MYBPC1: variants seen among roughly 807,000 people sequenced by gnomAD.
MYBPC1 encodes the protein myosin-binding protein C, slow-type.
Under a neutral mutation model 147.1 loss-of-function variants are expected in MYBPC1, and 52 were observed. That is an observed-to-expected ratio of 0.35 (90% CI 0.28 to 0.45). MYBPC1 has a LOEUF of 0.45. Among genes scored for constraint, MYBPC1 ranks in the 20% least tolerant of loss-of-function variants. MYBPC1 has a pLI of 1.00. For missense variants in MYBPC1, 1,228 were observed against 1,440.3 expected, an observed-to-expected ratio of 0.85 and a Z score of 2.39; for synonymous variants, 477 against 475.9, an observed-to-expected ratio of 1.00 and a Z score of -0.03.
Position 101,678,160 on chromosome 12 carries a change from T to C in MYBPC1, c.3168T>C (p.Phe1056=). Reference sequence around the variant, plus strand: ...TTGATTTCTCAGAGGCACCCATGTTTACTCAGCCTTTGGTTAACACCTATG... The same window carrying C: ...TTGATTTCTCAGAGGCACCCATGTTCACTCAGCCTTTGGTTAACACCTATG... ...EDFDFSEAPM[F]TQPLVNTYAI... is the part of the protein sequence containing the mutation. Residue 1056 remains phenylalanine (F), a synonymous_variant, in exon 28 of 32, where the codon TTT becomes TTC. Transcript: ENST00000361466. 6.2e-7 allele frequency: 1 copy of C among 1,614,098 alleles called. No homozygotes were observed. The highest frequency in any genetic ancestry group is 1.1e-5 in the South Asian group (1 of 91,090).
intron 27 of MYBPC1, 122 bp from the exon 28 acceptor site, chr12:101,677,980 C>T (rs1251515344): frequency 4.1e-6 from 5 of 1,232,440 alleles, no homozygotes; most frequent in Non-Finnish European, 5.9e-6. Flanking sequence ...GGCATTTGCT[C>T]ATCTTTGTCC....
intron 10 of MYBPC1, among the ~76,000 whole-genome samples, chr12:101,640,235 C>A (rs1442202085): frequency 6.6e-6 from 1 of 152,170 alleles, no homozygotes; most frequent in African/African-American, 2.4e-5. Context: ...TGGTCTCGAA[C>A]TCCTGAGCCC....
chr12:101,682,191 C>A (rs528757072), intron 29 of MYBPC1, among the ~76,000 whole-genome samples: 1 of 151,278 alleles, frequency 6.6e-6, no homozygotes, highest in South Asian at 2.1e-4. Flanking sequence ...AATATCCCCC[C>A]AAAAAACAAA....
rs1029818545 is a variant in MYBPC1, at chr12:101,663,338, A to G, written c.2222-88A>G. ...ATGTAGGGCTTTTGTGTCTATTTTTATTTGTATCCCCATTGGTTTTATCAC... is the reference window on the plus strand; with the variant it reads ...ATGTAGGGCTTTTGTGTCTATTTTTGTTTGTATCCCCATTGGTTTTATCAC... On this transcript the variant is annotated intron_variant, in intron 21 of 31. Transcript: ENST00000361466. The G allele has an allele frequency of 1.2e-5, 14 of 1,182,092 alleles. No homozygotes were observed. In the African/African-American group the frequency reaches 1.9e-4, roughly 16 times the overall value. 73.2% of individuals were successfully genotyped at this position (1,182,092 alleles called of 1,614,324 possible). A position where few individuals can be genotyped will look rare whatever the true frequency, so the allele number is the denominator to read the frequency against.
the MYBPC1 span, among the ~76,000 whole-genome samples, chr12:101,694,011 C>T: frequency 2.3e-4 from 35 of 152,190 alleles, no homozygotes; most frequent in African/African-American, 8.4e-4. Flanking sequence ...AGGGCAACAT[C>T]TGAAAGGCGG....
Position 101,595,969 on chromosome 12 carries a change from A to G in MYBPC1, c.25+874A>G, listed in dbSNP as rs184377726. On this transcript the variant is annotated intron_variant, in intron 1 of 31. Coordinates refer to ENST00000361466, the MANE Select transcript of MYBPC1 (RefSeq NM_002465.4). ...ATGCATTGAATTTAATTTTTAATTAAAATATCTTTTAAAAATATTATTTCA... is the reference window on the plus strand; with the variant it reads ...ATGCATTGAATTTAATTTTTAATTAGAATATCTTTTAAAAATATTATTTCA... Among the ~76,000 whole-genome samples, 437 of 152,130 alleles carry G rather than the reference A, an allele frequency of 2.9e-3. 2 individuals carry two copies. The highest frequency in any genetic ancestry group is 5.0e-3 in the Non-Finnish European group (342 of 67,972).
intron 23 of MYBPC1, among the ~76,000 whole-genome samples, chr12:101,668,615 T>C (rs570584292): frequency 6.6e-6 from 1 of 152,068 alleles, no homozygotes; most frequent in South Asian, 2.1e-4. Flanking sequence ...CATGCACCAC[T>C]ACGCCTGGCT....
chr12:101,695,530 G>C, the MYBPC1 span, among the ~76,000 whole-genome samples: 1 of 152,330 alleles, frequency 6.6e-6, no homozygotes, highest in African/African-American at 2.4e-5. Context: ...GGAGACTACT[G>C]TATGGAGAAG....
intron 5 of MYBPC1, chr12:101,628,131 A>C (rs373468371): frequency 4.8e-5 from 16 of 330,180 alleles, no homozygotes; most frequent in African/African-American, 3.4e-4. Flanking sequence ...AGAACTTTAC[A>C]TACAGATAAT....
At chr12:101,637,233 T>C (rs1250578376) in intron 10 of MYBPC1, 2 of 154,880 alleles carry the variant, frequency 1.3e-5, no homozygotes, top group African/African-American at 2.4e-5. Context: ...GATTATAAGA[T>C]GCATTGTCAT....
rs1418484454 is a variant in MYBPC1, at chr12:101,646,856, T to C, written c.1059T>C (p.Asp353=). The change falls in exon 13 of 32, where the codon GAT becomes GAC. Residue 353 remains aspartate (D), a synonymous_variant. Coordinates refer to ENST00000361466, the MANE Select transcript of MYBPC1 (RefSeq NM_002465.4). ...DDSEYYVTAG[D]EKCSTELFVR... The stretch of plus-strand genomic sequence containing the variant: ...CAGAGTATTATGTGACAGCCGGTGA[T>C]GAGAAATGTTCCACTGAGCTCTTCG... 1.9e-6 allele frequency: 3 copies of C among 1,611,906 alleles called. No homozygotes were observed. Among genetic ancestry groups the C allele is most frequent in the East Asian group, 2.2e-5 (1 of 44,850 alleles).
rs1244945309 is a variant in MYBPC1, at chr12:101,631,576, G to A, written c.295G>A (p.Asp99Asn). Residue 99 changes from aspartate to asparagine, a missense_variant, in exon 7 of 32, where the codon GAT becomes AAT. By Grantham distance (23) the Asp-to-Asn change is conservative. Transcript: ENST00000361466. Reference sequence around the variant, plus strand: ...ATCCCTTATGCTTCTTCTAGGTGAAGATATCACCTTCATAGCCAAAGTCAA... The same window carrying A: ...ATCCCTTATGCTTCTTCTAGGTGAAAATATCACCTTCATAGCCAAAGTCAA... ...PQGGTVKVGE[D>N]ITFIAKVKAE... 1.9e-6 allele frequency: 3 copies of A among 1,613,942 alleles called. No homozygotes were observed. In the African/African-American group the frequency reaches 4.0e-5, roughly 22 times the overall value.
At chr12:101,631,949 C>G (rs879084442) in intron 7 of MYBPC1, 72 bp from the exon 8 acceptor site, 10 of 1,387,020 alleles carry the variant, frequency 7.2e-6, no homozygotes, top group Middle Eastern at 1.8e-4. Flanking sequence ...CAGACAGACA[C>G]AGCTTTAAGC....
chr12:101,678,071 T>C, intron 27 of MYBPC1, 31 bp from the exon 28 acceptor site: 1 of 1,603,388 alleles, frequency 6.2e-7, no homozygotes, highest in Non-Finnish European at 8.5e-7. Flanking sequence ...ATTTACATAA[T>C]TTTAACATAT....
At chr12:101,603,042 G>A (rs1481236337) in intron 1 of MYBPC1, among the ~76,000 whole-genome samples, 1 of 151,946 alleles carries the variant, frequency 6.6e-6, no homozygotes, top group Non-Finnish European at 1.5e-5. Flanking sequence ...GGGTTTGTGG[G>A]ACTTTACAAT....
At position 101,614,304 on chromosome 12, in the gene MYBPC1, A is replaced by G. The variant is rs117965609; in HGVS notation, c.26-192A>G. On this transcript the variant is annotated intron_variant, in intron 1 of 31. Coordinates refer to ENST00000361466, the MANE Select transcript of MYBPC1 (RefSeq NM_002465.4). ...ATGTATGTCTTGGGCCTCTTGATGC[A>G]GTAGGGTGTGTGTGTGTGTGTGAGA... 9.2e-3 allele frequency among the ~76,000 whole-genome samples: 1,400 copies of G among 151,520 alleles called. 7 individuals carry two copies. Among genetic ancestry groups the G allele is most frequent in the Non-Finnish European group, 0.015 (988 of 67,974 alleles).
At chr12:101,641,754 G>GA (rs1271037902) in intron 10 of MYBPC1, among the ~76,000 whole-genome samples, 1 of 149,730 alleles carries the variant, frequency 6.7e-6, no homozygotes, top group Non-Finnish European at 1.5e-5. Flanking sequence ...TGCCGATTTA[G>GA]AAAAAAAATT....
At chr12:101,651,146 G>GCTCA in intron 15 of MYBPC1, 85 bp from the exon 16 acceptor site, 1 of 1,397,376 alleles carries the variant, frequency 7.2e-7, no homozygotes, top group Non-Finnish European at 1.0e-6. Flanking sequence ...TTGTAGTAGA[G>GCTCA]CTCACTATAC....
At chr12:101,630,558 A>T (rs1434150050) in intron 6 of MYBPC1, among the ~76,000 whole-genome samples, 1 of 151,792 alleles carries the variant, frequency 6.6e-6, no homozygotes, top group Non-Finnish European at 1.5e-5. Flanking sequence ...ACTCCATAAG[A>T]TGATTCCAAA....
Sources: gnomAD v4.1 joint callset for allele counts (sites outside exome capture counted in the v4.1 genomes callset) on GRCh38, gnomAD v4.1.1 for gene constraint, MANE v1.5 for transcripts, NCBI Gene and HGNC (gene_info 2026-07-23, HGNC 2026-07-21) for gene names.